ADGRL2: variants seen among roughly 807,000 people sequenced by gnomAD.
The protein encoded by ADGRL2 is calcium-independent alpha-latrotoxin receptor 2.
In ADGRL2, 44 loss-of-function variants were observed where a neutral mutation model predicts 157.4. The observed-to-expected ratio is 0.28, with a 90% CI of 0.22 to 0.36. ADGRL2 has a LOEUF of 0.36. Among genes scored for constraint, ADGRL2 ranks in the 10% least tolerant of loss-of-function variants. ADGRL2 has a pLI of 1.00. For missense variants in ADGRL2, 1,510 were observed against 1,768.9 expected (o/e 0.85, Z 2.63); for synonymous variants, 585 against 624.7 (o/e 0.94, Z 0.95).
intron 2 of ADGRL2, among the ~76,000 whole-genome samples, chr1:81,488,638 G>T (rs535420597): frequency 2.0e-5 from 3 of 151,806 alleles, no homozygotes; most frequent in African/African-American, 2.4e-5. Context: ...AGCATGGGAG[G>T]TCGGGGCTGC....
At chr1:81,511,586 G>A (rs2079078701) in intron 2 of ADGRL2, among the ~76,000 whole-genome samples, 1 of 151,858 alleles carries the variant, frequency 6.6e-6, no homozygotes, top group Non-Finnish European at 1.5e-5. Context: ...TTGTGTAGGG[G>A]GAAAGAAGTG....
intron 3 of ADGRL2, among the ~76,000 whole-genome samples, chr1:81,680,316 T>C (rs184529364): frequency 6.6e-6 from 1 of 152,344 alleles, no homozygotes; most frequent in African/African-American, 2.4e-5. Flanking sequence ...CTTCTTATAT[T>C]TCTTTGTTGA....
At chr1:81,983,971 G>T (rs1662359769) in intron 19 of ADGRL2, among the ~76,000 whole-genome samples, 1 of 152,014 alleles carries the variant, frequency 6.6e-6, no homozygotes, top group Admixed American at 6.6e-5. Context: ...TACACTAAAT[G>T]TTAAAGCTAG....
intron 2 of ADGRL2, among the ~76,000 whole-genome samples, chr1:81,904,125 C>T (rs2094542517): frequency 6.6e-6 from 1 of 151,832 alleles, no homozygotes; most frequent in African/African-American, 2.4e-5. Context: ...AATTTGGTTC[C>T]ACATTTATAA....
chr1:81,505,730 T>C (rs2078958788), intron 2 of ADGRL2, among the ~76,000 whole-genome samples: 1 of 118,528 alleles, frequency 8.4e-6, no homozygotes, highest in African/African-American at 3.4e-5. Context: ...ATACCTCAGA[T>C]GTCCTCCTGC....
intron 2 of ADGRL2, among the ~76,000 whole-genome samples, chr1:81,846,415 T>A (rs1318258382): frequency 8.2e-6 from 1 of 121,840 alleles, no homozygotes; most frequent in Non-Finnish European, 1.9e-5. Flanking sequence ...TAGAGATAGA[T>A]TAAAATGTCC....
At chr1:81,326,751 T>C (rs1660928909) in intron 1 of ADGRL2, among the ~76,000 whole-genome samples, 1 of 152,212 alleles carries the variant, frequency 6.6e-6, no homozygotes, top group African/African-American at 2.4e-5. Context: ...CAGTTATATC[T>C]TCAGTTCCTC....
intron 1 of ADGRL2, among the ~76,000 whole-genome samples, chr1:81,705,680 G>A (rs905457301): frequency 6.6e-6 from 1 of 152,024 alleles, no homozygotes; most frequent in African/African-American, 2.4e-5. Flanking sequence ...ACTTTGGGAG[G>A]CTGCAATGGG....
chr1:81,837,819 AC>A (rs1181195454), intron 2 of ADGRL2, among the ~76,000 whole-genome samples: 4 of 152,008 alleles, frequency 2.6e-5, no homozygotes, highest in African/African-American at 9.7e-5. Flanking sequence ...TGAAAACAAC[AC>A]ACATGCAGGT....
chr1:81,547,031 C>T (rs554173707), intron 2 of ADGRL2, among the ~76,000 whole-genome samples: 1 of 152,300 alleles, frequency 6.6e-6, no homozygotes, highest in South Asian at 2.1e-4. Context: ...TCCACTTTTG[C>T]TGAAAATAAT....
intron 3 of ADGRL2, among the ~76,000 whole-genome samples, chr1:81,626,019 G>C (rs914308317): frequency 6.6e-6 from 1 of 152,002 alleles, no homozygotes; most frequent in Non-Finnish European, 1.5e-5. Flanking sequence ...TTTCCTCCGC[G>C]ACACAATAAC....
chr1:81,486,638 G>A (rs1485724561), intron 2 of ADGRL2, among the ~76,000 whole-genome samples: 1 of 152,164 alleles, frequency 6.6e-6, no homozygotes, highest in East Asian at 1.9e-4. Flanking sequence ...TACTCCCAGA[G>A]TGAAACTGTG....
chr1:81,846,987 G>GCT (rs369773857), intron 2 of ADGRL2, among the ~76,000 whole-genome samples: 1 of 143,814 alleles, frequency 7.0e-6, no homozygotes, highest in Non-Finnish European at 1.5e-5. Context: ...GTGTTTTGTT[G>GCT]TTTTTTTTTT....
At position 81,952,088 on chromosome 1, in the gene ADGRL2, G is replaced by T; in HGVS notation, c.1740G>T (p.Gln580His). Residue 580 changes from glutamine to histidine, a missense_variant, in exon 9 of 24, where the codon CAG becomes CAT. By Grantham distance (24) the Gln-to-His change is conservative. Coordinates refer to ENST00000686636, the MANE Select transcript of ADGRL2 (RefSeq NM_001366006.2). ...AGTTGGTGGACATCCTTGATGCACA[G>T]CTGCAGGAACTGAAACCTAGTGAAA... is the stretch of plus-strand genomic sequence containing the variant. ...MEQLVDILDA[Q>H]LQELKPSEKD... 6.2e-7 allele frequency: 1 copy of T among 1,613,342 alleles called. No homozygotes were observed. Among genetic ancestry groups the T allele is most frequent in the African/African-American group, 1.3e-5 (1 of 74,996 alleles).
chr1:81,973,411 A>G (rs1659316734), intron 17 of ADGRL2, among the ~76,000 whole-genome samples: 1 of 152,210 alleles, frequency 6.6e-6, no homozygotes, highest in African/African-American at 2.4e-5. Context: ...ATTTTCCTCT[A>G]AGACCTTCGT....
At chr1:81,622,442 G>T (rs564112385) in intron 3 of ADGRL2, among the ~76,000 whole-genome samples, 1 of 152,108 alleles carries the variant, frequency 6.6e-6, no homozygotes, top group Non-Finnish European at 1.5e-5. Context: ...TTAGCTGGGC[G>T]TGGTGGCACA....
intron 1 of ADGRL2, among the ~76,000 whole-genome samples, chr1:81,372,626 T>C (rs2076180205): frequency 6.6e-6 from 1 of 152,248 alleles, no homozygotes. Context: ...ATTTTCTCTG[T>C]TACTCCATCT....
chr1:81,983,244 C>T (rs1308842313), intron 19 of ADGRL2, among the ~76,000 whole-genome samples: 1 of 151,898 alleles, frequency 6.6e-6, no homozygotes, highest in Non-Finnish European at 1.5e-5. Context: ...TCATGTTATA[C>T]TTCAAAAGAA....
intron 2 of ADGRL2, chr1:81,557,098 G>T: frequency 1.1e-5 from 2 of 179,734 alleles, no homozygotes; most frequent in South Asian, 2.9e-4. Context: ...CTCTCAGGCT[G>T]ACCACCTTTG....
Sources: allele counts gnomAD v4.1 joint callset (sites outside exome capture counted in the v4.1 genomes callset), GRCh38; gene constraint gnomAD v4.1.1; transcripts MANE v1.5; gene names NCBI Gene and HGNC (gene_info 2026-07-23, HGNC 2026-07-21).